TBX21: variants seen among roughly 807,000 people sequenced by gnomAD.
TBX21 encodes the protein T-box transcription factor TBX21.
Under a neutral mutation model 52.2 loss-of-function variants are expected in TBX21, and 11 were observed. The observed-to-expected ratio is 0.21, with a 90% CI of 0.13 to 0.35. TBX21 has a LOEUF of 0.35. TBX21 is among the 10% of genes least tolerant of loss of function. The probability of loss-of-function intolerance (pLI) is 1.00; values close to 1 mark genes in which losing one functional copy is unlikely to be tolerated. For synonymous variants in TBX21, 300 were observed against 316.1 expected (o/e 0.95, Z 0.54); for missense variants, 625 against 755.1 (o/e 0.83, Z 2.02).
Position 47,733,462 on chromosome 17 carries a change from T to C in TBX21, c.8T>C (p.Ile3Thr). The change falls in exon 1 of 6, where the codon ATC becomes ACC. Residue 3 changes from isoleucine to threonine, a missense_variant. Transcript: ENST00000177694. This position sits in a 1 kb window ranked among gnomAD's most constrained non-coding sequence, Gnocchi z 6.6. Reference sequence around the variant, plus strand: ...GGTGCCAGCCCGCCCCGGATGGGCATCGTGGAGCCGGGTTGCGGAGACATG... The same window carrying C: ...GGTGCCAGCCCGCCCCGGATGGGCACCGTGGAGCCGGGTTGCGGAGACATG... MGIVEPGCGDMLT... is the reference protein window; with the variant it reads MGTVEPGCGDMLT... 2 of 1,486,960 alleles carry C rather than the reference T, an allele frequency of 1.3e-6. No homozygotes were observed. Among genetic ancestry groups the C allele is most frequent in the Non-Finnish European group, 1.8e-6 (2 of 1,125,070 alleles). 92.1% of individuals were successfully genotyped at this position (1,486,960 alleles called of 1,614,324 possible). A position where few individuals can be genotyped will look rare whatever the true frequency, so the allele number is the denominator to read the frequency against.
intron 1 of TBX21, among the ~76,000 whole-genome samples, chr17:47,736,705 T>C (rs958361645): frequency 3.9e-5 from 6 of 152,090 alleles, no homozygotes; most frequent in Non-Finnish European, 7.4e-5. Flanking sequence ...GCTCCTGAGA[T>C]CTGGGAAATC....
Position 47,742,721 on chromosome 17 carries a change from C to T in TBX21, c.603C>T (p.Ser201=), listed in dbSNP as rs774801794. 33 of 1,586,890 alleles carry T rather than the reference C, an allele frequency of 2.1e-5. No homozygotes were observed. In the East Asian group the frequency reaches 2.3e-4, roughly 11 times the overall value. ...LVDQHHWRYQ[S]GKWVQCGKAE... ...ACCAGCACCACTGGCGGTACCAGAG[C>T]GGCAAGTGGGTGCAGTGTGGAAAGG... The change falls in exon 2 of 6, where the codon AGC becomes AGT. Residue 201 remains serine, a synonymous_variant. Coordinates refer to ENST00000177694, the MANE Select transcript of TBX21 (RefSeq NM_013351.2). The surrounding 1 kb of genome is among the most constrained non-coding windows in gnomAD (Gnocchi z 4.4).
Sources: allele counts gnomAD v4.1 joint callset (sites outside exome capture counted in the v4.1 genomes callset), GRCh38; gene constraint gnomAD v4.1.1; non-coding constraint Gnocchi (gnomAD v3.1); transcripts MANE v1.5; gene names NCBI Gene and HGNC (gene_info 2026-07-23, HGNC 2026-07-21).